Variants in LAMB4 observed in about 807,000 individuals in gnomAD.
The protein encoded by LAMB4 is laminin subunit beta 4, also known as laminin subunit beta-4.
LAMB4 carries 196 observed loss-of-function variants against 199.2 expected under a neutral mutation model. The observed-to-expected ratio is 0.98, with a 90% CI of 0.88 to 1.11. The LOEUF is 1.11. Ranked by LOEUF, LAMB4 falls within the 50% of genes least tolerant of loss-of-function variation. The pLI is 0.00. For synonymous variants in LAMB4, 744 were observed against 770.6 expected, an observed-to-expected ratio of 0.97 and a Z score of 0.57; for missense variants, 2,080 against 2,171.2, an observed-to-expected ratio of 0.96 and a Z score of 0.83.
intron 26 of LAMB4, among the ~76,000 whole-genome samples, chr7:108,050,799 T>C (rs1335325571): frequency 2.6e-5 from 4 of 152,346 alleles, no homozygotes; most frequent in African/African-American, 9.6e-5. Flanking sequence ...TCTCCTACCC[T>C]GTGGAGATAA....
At position 108,115,989 on chromosome 7, in the gene LAMB4, A is replaced by G; in HGVS notation, c.192+15T>C. The G allele has an allele frequency of 6.2e-7, 1 of 1,605,200 alleles. No homozygotes were observed. The highest frequency in any genetic ancestry group is 8.5e-7 in the Non-Finnish European group (1 of 1,173,998). On this transcript the variant is annotated intron_variant, in intron 3 of 33. Coordinates refer to ENST00000388781, the MANE Select transcript of LAMB4 (RefSeq NM_007356.3). ...TTAAATAATGTCCCAGCAAATAAAC[A>G]AAGAGCCAACCCACCTCCAGGTAAC... is the stretch of plus-strand genomic sequence containing the variant.
intron 29 of LAMB4, among the ~76,000 whole-genome samples, chr7:108,039,952 T>C (rs1221846670): frequency 3.9e-5 from 6 of 152,120 alleles, no homozygotes; most frequent in Non-Finnish European, 4.4e-5. Context: ...CGTATCCAAA[T>C]AGGAAGAGAG....
At chr7:108,055,368 G>C (rs970962040) in intron 25 of LAMB4, among the ~76,000 whole-genome samples, 1 of 152,062 alleles carries the variant, frequency 6.6e-6, no homozygotes, top group African/African-American at 2.4e-5. Flanking sequence ...TGTATTTTTA[G>C]TAGAGAGGGG....
intron 33 of LAMB4, among the ~76,000 whole-genome samples, chr7:108,025,389 T>TTTTCTTTCTTTCTTTCTTTCTTTC (rs60438956): frequency 2.2e-5 from 2 of 91,186 alleles, no homozygotes; most frequent in Admixed American, 1.0e-4. Context: ...TTTTCTTTTC[T>TTTTCTTTCTTTCTTTCTTTCTTTC]TTTCTTTCTT....
intron 14 of LAMB4, among the ~76,000 whole-genome samples, chr7:108,087,939 G>T (rs2037246746): frequency 6.6e-6 from 1 of 152,186 alleles, no homozygotes; most frequent in African/African-American, 2.4e-5. Context: ...TTTACTAACT[G>T]AGTACATGCA....
chr7:108,126,467 T>C (rs2038782320), intron 1 of LAMB4, among the ~76,000 whole-genome samples: 1 of 151,968 alleles, frequency 6.6e-6, no homozygotes, highest in African/African-American at 2.4e-5. Flanking sequence ...AATCGCACAA[T>C]ATTTGTCTTT....
intron 1 of LAMB4, among the ~76,000 whole-genome samples, chr7:108,129,698 T>C (rs987398562): frequency 6.6e-6 from 1 of 152,088 alleles, no homozygotes; most frequent in Non-Finnish European, 1.5e-5. Context: ...CCACTACGGC[T>C]GTATAGTTTT....
At chr7:108,032,826 C>T (rs1208304528) in intron 31 of LAMB4, among the ~76,000 whole-genome samples, 2 of 151,982 alleles carry the variant, frequency 1.3e-5, no homozygotes, top group Non-Finnish European at 2.9e-5. Context: ...TGCTTTCTGT[C>T]TTATATGCAT....
intron 2 of LAMB4, among the ~76,000 whole-genome samples, chr7:108,117,550 C>A (rs1239483940): frequency 6.6e-6 from 1 of 152,058 alleles, no homozygotes; most frequent in Non-Finnish European, 1.5e-5. Context: ...TGGGTAGCTA[C>A]TTATGTTACA....
intron 27 of LAMB4, among the ~76,000 whole-genome samples, chr7:108,049,047 G>A (rs2150522331): frequency 6.6e-6 from 1 of 152,244 alleles, no homozygotes; most frequent in African/African-American, 2.4e-5. Context: ...GGCAAGAGGA[G>A]CAAATGTTCA....
chr7:108,091,738 T>C lies in LAMB4; in HGVS notation c.1589A>G (p.His530Arg), dbSNP rs1364013898. 1.9e-6 allele frequency: 3 copies of C among 1,613,972 alleles called. No homozygotes were observed. The highest frequency in any genetic ancestry group is 1.7e-5 in the Admixed American group (1 of 59,986). ...TTCAGAGCAGCTACGGCCAGTGACA[T>C]GTGGGCGGCATTCACACTGCCCATT... The part of the protein sequence containing the change: ...PKNGQCECRP[H>R]VTGRSCSEPA... Residue 530 changes from histidine to arginine, a missense_variant, in exon 14 of 34, where the codon CAT becomes CGT. His to Arg is a conservative substitution (Grantham distance 29). Transcript: ENST00000388781.
intron 5 of LAMB4, among the ~76,000 whole-genome samples, chr7:108,108,139 G>A (rs894587327): frequency 1.3e-5 from 2 of 151,966 alleles, no homozygotes; most frequent in Non-Finnish European, 1.5e-5. Context: ...TTGCCATGTT[G>A]CCCAGACTGT....
Position 108,052,219 on chromosome 7 carries a change from A to T in LAMB4, c.3794T>A (p.Val1265Glu). Residue 1265 changes from valine to glutamate, a missense_variant, in exon 26 of 34, where the codon GTG becomes GAG. Physicochemically the swap from Val to Glu is moderately radical, Grantham distance 121. Coordinates refer to ENST00000388781, the MANE Select transcript of LAMB4 (RefSeq NM_007356.3). ...ATCTTTCAGATCTTGAAATTCATACACTGCTTTCAGTTGTTCATTTAGCTG... is the reference window on the plus strand; with the variant it reads ...ATCTTTCAGATCTTGAAATTCATACTCTGCTTTCAGTTGTTCATTTAGCTG... ...IMQLNEQLKA[V>E]YEFQDLKDTI... 6.2e-7 allele frequency: 1 copy of T among 1,610,092 alleles called. No homozygotes were observed. The highest frequency in any genetic ancestry group is 1.1e-5 in the South Asian group (1 of 90,100).
intron 14 of LAMB4, among the ~76,000 whole-genome samples, chr7:108,088,893 A>G (rs2037290122): frequency 6.6e-6 from 1 of 152,186 alleles, no homozygotes; most frequent in Non-Finnish European, 1.5e-5. Context: ...TCTAAAAGGA[A>G]TGTGTGTTTA....
chr7:108,073,519 C>T (rs2036602292), intron 17 of LAMB4, among the ~76,000 whole-genome samples: 2 of 152,224 alleles, frequency 1.3e-5, no homozygotes, highest in Admixed American at 1.3e-4. Flanking sequence ...AGTGATCTCA[C>T]AGTGCTTGCC....
intron 18 of LAMB4, among the ~76,000 whole-genome samples, chr7:108,068,425 G>T (rs916828157): frequency 6.6e-6 from 1 of 152,058 alleles, no homozygotes; most frequent in Admixed American, 6.5e-5. Context: ...ACTTAAAATT[G>T]GTTTTAAATA....
At chr7:108,013,908 G>T in the LAMB4 span, among the ~76,000 whole-genome samples, 2 of 152,110 alleles carry the variant, frequency 1.3e-5, no homozygotes, top group Non-Finnish European at 2.9e-5. Flanking sequence ...ATTTAAAAGG[G>T]TATGTGTGGT....
intron 31 of LAMB4, among the ~76,000 whole-genome samples, chr7:108,033,708 C>A (rs2035122298): frequency 6.6e-6 from 1 of 150,914 alleles, no homozygotes. Flanking sequence ...CATGCCTGGC[C>A]AGATGGAGCA....
At position 108,043,545 on chromosome 7, in the gene LAMB4, G is replaced by GTTTTTTTTTTTTTTTTT. The variant is rs748169558; in HGVS notation, c.4471+190_4471+206dup. On this transcript the variant is annotated intron_variant, in intron 29 of 33. Coordinates refer to ENST00000388781, the MANE Select transcript of LAMB4 (RefSeq NM_007356.3). ...AATATAATTTGGAACTGGCTATGAT[G>GTTTTTTTTTTTTTTTTT]TTTTTTTTTTTTTTTTTTTTTTTTT... Among the ~76,000 whole-genome samples, 12 of 55,992 alleles carry GTTTTTTTTTTTTTTTTT rather than the reference G, an allele frequency of 2.1e-4. 2 individuals are homozygous for GTTTTTTTTTTTTTTTTT. The highest frequency in any genetic ancestry group is 3.2e-4 in the Non-Finnish European group (11 of 34,518). The allele number at this position is 55,992 out of a possible 152,430, so 36.7% of individuals were successfully genotyped here.
Sources: allele counts gnomAD v4.1 joint callset (sites outside exome capture counted in the v4.1 genomes callset), GRCh38; gene constraint gnomAD v4.1.1; transcripts MANE v1.5; gene names NCBI Gene and HGNC (gene_info 2026-07-23, HGNC 2026-07-21).